The following EYS variants were observed in gnomAD, a reference collection of about 807,000 sequenced individuals.
EYS encodes protein eyes shut homolog.
Under a neutral mutation model 282.1 loss-of-function variants are expected in EYS, and 250 were observed. The ratio of observed to expected loss-of-function variants is 0.89; its 90% confidence interval spans 0.80 to 0.98. EYS has a LOEUF of 0.98. EYS is among the 50% of genes least tolerant of loss of function. The pLI is 0.00. For missense variants in EYS, 4,016 were observed against 3,709.0 expected, an observed-to-expected ratio of 1.08 and a Z score of -2.15; for synonymous variants, 1,355 against 1,282.9, an observed-to-expected ratio of 1.06 and a Z score of -1.20.
chr6:63,836,000 C>T (rs1008382041), intron 36 of EYS, among the ~76,000 whole-genome samples: 1 of 151,870 alleles, frequency 6.6e-6, no homozygotes, highest in Non-Finnish European at 1.5e-5. Flanking sequence ...TGAGTTGCTC[C>T]CATTATTGGG....
intron 41 of EYS, among the ~76,000 whole-genome samples, chr6:63,738,526 G>T (rs1582158155): frequency 6.9e-6 from 1 of 145,612 alleles, no homozygotes; most frequent in African/African-American, 2.6e-5. Flanking sequence ...TCATAGGTGG[G>T]GATTGAACAA....
At chr6:64,797,071 C>T (rs1263657046) in intron 22 of EYS, among the ~76,000 whole-genome samples, 1 of 152,076 alleles carries the variant, frequency 6.6e-6, no homozygotes, top group Non-Finnish European at 1.5e-5. Context: ...TGATGAAGTT[C>T]AGCTCCTGCC....
chr6:64,843,691 C>T lies in EYS; in HGVS notation c.2993-20869G>A, dbSNP rs137942752. Among the ~76,000 whole-genome samples, 520 of 152,190 alleles carry T rather than the reference C, an allele frequency of 3.4e-3. 3 individuals are homozygous for T. The highest frequency in any genetic ancestry group is 9.9e-3 in the African/African-American group (413 of 41,518). Reference sequence around the variant, plus strand: ...TTTACAGACTCATAGGCAGAAGGGACTTGCCTTGTTTCAGATGAGACTTTG... The same window carrying T: ...TTTACAGACTCATAGGCAGAAGGGATTTGCCTTGTTTCAGATGAGACTTTG... On this transcript the variant is annotated intron_variant, in intron 19 of 42. Coordinates refer to ENST00000503581, the MANE Select transcript of EYS (RefSeq NM_001142800.2).
chr6:63,832,096 T>C (rs1771656176), intron 36 of EYS, among the ~76,000 whole-genome samples: 1 of 152,054 alleles, frequency 6.6e-6, no homozygotes, highest in Non-Finnish European at 1.5e-5. Context: ...TAGCACTAAA[T>C]GCCCACAAAA....
intron 35 of EYS, among the ~76,000 whole-genome samples, chr6:63,946,469 C>T (rs1765399663): frequency 6.6e-6 from 1 of 152,104 alleles, no homozygotes; most frequent in Non-Finnish European, 1.5e-5. Context: ...GAAAGTCATA[C>T]TAATCATTCT....
At chr6:65,606,991 C>A (rs1765823785) in intron 2 of EYS, among the ~76,000 whole-genome samples, 1 of 151,516 alleles carries the variant, frequency 6.6e-6, no homozygotes, top group Admixed American at 6.6e-5. Flanking sequence ...AAAATCTAAT[C>A]TAAGAATGGG....
chr6:63,991,316 G>A (rs1386406161), intron 34 of EYS, among the ~76,000 whole-genome samples: 1 of 151,604 alleles, frequency 6.6e-6, no homozygotes, highest in African/African-American at 2.4e-5. Flanking sequence ...CCACCACAAA[G>A]TTAGAAAGCA....
chr6:63,742,325 AG>A (rs1463771494), intron 41 of EYS, among the ~76,000 whole-genome samples: 1 of 152,144 alleles, frequency 6.6e-6, no homozygotes, highest in Non-Finnish European at 1.5e-5. Flanking sequence ...GGAAAGCTAC[AG>A]CCAGCCTCTT....
At chr6:65,147,361 C>T (rs1764504821) in intron 12 of EYS, among the ~76,000 whole-genome samples, 1 of 151,930 alleles carries the variant, frequency 6.6e-6, no homozygotes, top group African/African-American at 2.4e-5. Context: ...TTATATTTAT[C>T]ATTTCACCAG....
chr6:65,392,157 T>A (rs1233265472), intron 7 of EYS, among the ~76,000 whole-genome samples: 1 of 151,890 alleles, frequency 6.6e-6, no homozygotes, highest in Non-Finnish European at 1.5e-5. Flanking sequence ...TTACACCTTA[T>A]ACAAAAATCA....
chr6:64,886,643 T>C lies in EYS; in HGVS notation c.2992+54A>G, dbSNP rs1767093820. 5 of 1,416,768 alleles carry C rather than the reference T, an allele frequency of 3.5e-6. No individual in the cohort carries two copies. In the African/African-American group the frequency reaches 7.4e-5, roughly 21 times the overall value. 87.8% of individuals were successfully genotyped at this position (1,416,768 alleles called of 1,614,324 possible). ...TTTTGGAGTATAAATATGAGGTTTC[T>C]ATTTGCTTGCAGACAGAAATATGTT... On this transcript the variant is annotated intron_variant, in intron 19 of 42. Transcript: ENST00000503581.
chr6:64,715,922 TTCTAAAAGAAATC>T (rs1771375971), intron 22 of EYS, among the ~76,000 whole-genome samples: 1 of 152,212 alleles, frequency 6.6e-6, no homozygotes, highest in Non-Finnish European at 1.5e-5. Context: ...GTGACTGTTT[TTCTAAAAGAAATC>T]TCTGGAGTGG....
chr6:64,393,948 A>C (rs1189546278), intron 28 of EYS, among the ~76,000 whole-genome samples: 2 of 152,044 alleles, frequency 1.3e-5, no homozygotes, highest in Non-Finnish European at 2.9e-5. Flanking sequence ...AGGATACAAA[A>C]TCAATGTACA....
At chr6:65,047,097 C>CT (rs1390228188) in intron 13 of EYS, among the ~76,000 whole-genome samples, 1,366 of 125,970 alleles carry the variant, frequency 0.011, 11 homozygotes, top group African/African-American at 0.013. Context: ...AATTAAACCT[C>CT]TTTTTTTTTT....
chr6:65,668,543 C>CA (rs913100054), intron 1 of EYS, among the ~76,000 whole-genome samples: 1 of 151,702 alleles, frequency 6.6e-6, no homozygotes, highest in Non-Finnish European at 1.5e-5. Flanking sequence ...GCCAACAAAA[C>CA]AAAAAAATAT....
At position 64,372,130 on chromosome 6, in the gene EYS, G is replaced by GTTTTTTTTTTTTTTTTTTT. The variant is rs201498090; in HGVS notation, c.6078+16541_6078+16559dup. Among the ~76,000 whole-genome samples, 61 of 97,700 alleles carry GTTTTTTTTTTTTTTTTTTT rather than the reference G, an allele frequency of 6.2e-4. 3 individuals carry two copies. The highest frequency in any genetic ancestry group is 1.4e-3 in the East Asian group (4 of 2,926). 64.1% of individuals were successfully genotyped at this position (97,700 alleles called of 152,430 possible). A position where few individuals can be genotyped will look rare whatever the true frequency, so the allele number is the denominator to read the frequency against. On this transcript the variant is annotated intron_variant, in intron 29 of 42. Transcript: ENST00000503581. ...TAGCATCACTGGTCTGTATACTTGT[G>GTTTTTTTTTTTTTTTTTTT]TTTTTTTTTTTTTTTTTTTTTTTTT...
rs184459241 is a variant in EYS at position 65,485,371 on chromosome 6, T to C, written c.862+5223A>G. On this transcript the variant is annotated intron_variant, in intron 5 of 42. Coordinates refer to ENST00000503581, the MANE Select transcript of EYS (RefSeq NM_001142800.2). ...CTTACATATCACTCTGTGAAGCACG[T>C]CTTTTCATTTAGATCAAATGACTGT... Among the ~76,000 whole-genome samples, 6 of 152,356 alleles carry C rather than the reference T, an allele frequency of 3.9e-5. No homozygotes were observed. In the East Asian group the frequency reaches 1.2e-3, roughly 29 times the overall value.
At chr6:63,850,036 G>A (rs990118402) in intron 36 of EYS, among the ~76,000 whole-genome samples, 2 of 152,116 alleles carry the variant, frequency 1.3e-5, no homozygotes, top group African/African-American at 4.8e-5. Context: ...GCATACACAA[G>A]TATCCATAGC....
chr6:64,845,362 C>T (rs1304377548), intron 19 of EYS, among the ~76,000 whole-genome samples: 1 of 151,934 alleles, frequency 6.6e-6, no homozygotes, highest in African/African-American at 2.4e-5. Context: ...TTTGTGTATC[C>T]TAAACATACT....
Sources: gnomAD v4.1 joint callset for allele counts (sites outside exome capture counted in the v4.1 genomes callset) on GRCh38, gnomAD v4.1.1 for gene constraint, MANE v1.5 for transcripts, NCBI Gene and HGNC (gene_info 2026-07-23, HGNC 2026-07-21) for gene names.